Variants in PHF14 observed in about 807,000 individuals in gnomAD.
PHF14 encodes the protein PHD finger protein 14.
A neutral mutation model predicts 117.9 loss-of-function variants in PHF14; 55 were observed. The ratio of observed to expected loss-of-function variants is 0.47; its 90% CI spans 0.38 to 0.58. The LOEUF is 0.58. Ranked by LOEUF, PHF14 falls within the 20% of genes least tolerant of loss-of-function variation. PHF14 has a pLI of 0.00. For missense variants in PHF14, 978 were observed against 1,122.2 expected (o/e 0.87, Z 1.84); for synonymous variants, 409 against 368.6 (o/e 1.11, Z -1.26).
rs562865278 is a variant in PHF14 at position 11,136,051 on chromosome 7, C to T, written c.2772+24584C>T. On this transcript the variant is annotated intron_variant, in intron 17 of 17. Coordinates refer to ENST00000634607, the MANE Select transcript of PHF14 (RefSeq NM_001007157.2). ...GTAAGCTTTTGGTATACATAAGTAA[C>T]ATTGTTGAAAATAGTTTACACTTCT... 5.3e-5 allele frequency among the ~76,000 whole-genome samples: 8 copies of T among 152,162 alleles called. No homozygotes were observed. In the South Asian group the frequency reaches 1.7e-3, roughly 32 times the overall value.
intron 16 of PHF14, among the ~76,000 whole-genome samples, chr7:11,066,581 G>A (rs1785432137): frequency 6.6e-6 from 1 of 152,148 alleles, no homozygotes; most frequent in African/African-American, 2.4e-5. Flanking sequence ...TGAGCTATCT[G>A]AAATTAATTT....
At chr7:11,054,459 T>C (rs1784949249) in intron 14 of PHF14, among the ~76,000 whole-genome samples, 1 of 152,184 alleles carries the variant, frequency 6.6e-6, no homozygotes, top group African/African-American at 2.4e-5. Context: ...CATACTAAAC[T>C]GTTCAAGGAA....
intron 17 of PHF14, among the ~76,000 whole-genome samples, chr7:11,152,769 T>A (rs929363831): frequency 1.3e-5 from 2 of 152,142 alleles, no homozygotes; most frequent in African/African-American, 4.8e-5. Flanking sequence ...GAAAACAATC[T>A]GAGTGATGGA....
intron 16 of PHF14, among the ~76,000 whole-genome samples, chr7:11,076,727 C>A (rs1222664783): frequency 6.6e-6 from 1 of 151,756 alleles, no homozygotes; most frequent in Non-Finnish European, 1.5e-5. Flanking sequence ...ACCACCACAC[C>A]CGACTAATTT....
intron 3 of PHF14, among the ~76,000 whole-genome samples, chr7:10,985,119 A>C (rs1782171025): frequency 6.6e-6 from 1 of 152,172 alleles, no homozygotes; most frequent in Non-Finnish European, 1.5e-5. Context: ...TTAAAAAACT[A>C]ATCAATTGTG....
intron 14 of PHF14, among the ~76,000 whole-genome samples, chr7:11,059,539 G>A (rs776271061): frequency 6.6e-5 from 10 of 152,310 alleles, no homozygotes; most frequent in South Asian, 6.2e-4. Flanking sequence ...ACTTTGGGAG[G>A]CCAAGGCAGG....
chr7:11,134,504 A>T lies in PHF14; in HGVS notation c.2772+23037A>T, dbSNP rs115641659. ...TCAGTATCCACTAAATTGATTTTAC[A>T]GCCACTTGTATGGTTAAATAATTTG... On this transcript the variant is annotated intron_variant, in intron 17 of 17. Transcript: ENST00000634607. Among the ~76,000 whole-genome samples, 1,208 of 152,128 alleles carry T rather than the reference A, an allele frequency of 7.9e-3. 11 individuals carry two copies. The highest frequency in any genetic ancestry group is 0.028 in the African/African-American group (1,151 of 41,554).
At chr7:11,089,257 T>C (rs946708603) in intron 16 of PHF14, among the ~76,000 whole-genome samples, 1 of 152,206 alleles carries the variant, frequency 6.6e-6, no homozygotes, top group African/African-American at 2.4e-5. Context: ...GCTGTTTGCG[T>C]ATGTAATTTC....
At chr7:11,057,599 C>T (rs1290645298) in intron 14 of PHF14, among the ~76,000 whole-genome samples, 1 of 152,114 alleles carries the variant, frequency 6.6e-6, no homozygotes, top group East Asian at 1.9e-4. Flanking sequence ...GTTTCAAACT[C>T]GTTACCTCAG....
chr7:11,099,513 A>G (rs1236637244), intron 16 of PHF14, among the ~76,000 whole-genome samples: 1 of 151,976 alleles, frequency 6.6e-6, no homozygotes, highest in Non-Finnish European at 1.5e-5. Context: ...CAGCAGTGAA[A>G]TAGTTCTCAT....
intron 17 of PHF14, among the ~76,000 whole-genome samples, chr7:11,153,850 C>G (rs1254926312): frequency 1.3e-5 from 2 of 152,104 alleles, no homozygotes; most frequent in East Asian, 3.8e-4. Context: ...TAGACTTACT[C>G]CCATGGCCAC....
At position 11,106,062 on chromosome 7, in the gene PHF14, ATTC is replaced by A. The variant is rs933971649; in HGVS notation, c.2655-5283_2655-5281del. 1.4e-5 allele frequency: 14 copies of A among 984,042 alleles called. No individual in the cohort carries two copies. The South Asian group carries it at 2.4e-4, about 17-fold the overall frequency. The allele number at this position is 984,042 out of a possible 1,614,324, so 61.0% of individuals were successfully genotyped here. A position where few individuals can be genotyped will look rare whatever the true frequency, so the allele number is the denominator to read the frequency against. On this transcript the variant is annotated intron_variant, in intron 16 of 17. Coordinates refer to ENST00000634607, the MANE Select transcript of PHF14 (RefSeq NM_001007157.2). ...CATGTTTCAGGTATGGAAATGTCTA[ATTC>A]TTCTCTCATGCTGTGAAGAGTTGCT... is the stretch of plus-strand genomic sequence containing the variant.
At chr7:10,992,439 G>T (rs913568856) in intron 4 of PHF14, among the ~76,000 whole-genome samples, 38 of 150,594 alleles carry the variant, frequency 2.5e-4, no homozygotes, top group African/African-American at 9.0e-4. Context: ...GAGGCGGGCG[G>T]ATCACCTGAG....
chr7:11,074,303 C>T (rs759424079), intron 16 of PHF14, among the ~76,000 whole-genome samples: 20 of 151,754 alleles, frequency 1.3e-4, no homozygotes, highest in South Asian at 4.2e-4. Flanking sequence ...TTCTGCCTCC[C>T]GGGTTCATAC....
intron 17 of PHF14, among the ~76,000 whole-genome samples, chr7:11,112,995 G>A (rs1417175283): frequency 2.6e-5 from 4 of 151,898 alleles, no homozygotes; most frequent in African/African-American, 9.7e-5. Flanking sequence ...TTATTTAAAT[G>A]TAAAAATAAT....
At chr7:10,989,772 G>A (rs1782377543) in intron 3 of PHF14, among the ~76,000 whole-genome samples, 1 of 152,032 alleles carries the variant, frequency 6.6e-6, no homozygotes, top group African/African-American at 2.4e-5. Context: ...CTGGGACTAA[G>A]GGCATGCATC....
At chr7:11,003,611 AG>A (rs1319579543) in intron 4 of PHF14, among the ~76,000 whole-genome samples, 1 of 152,236 alleles carries the variant, frequency 6.6e-6, no homozygotes, top group African/African-American at 2.4e-5. Flanking sequence ...ATTTTTAAAA[AG>A]TTTACCAAGT....
chr7:11,015,981 G>A (rs1444069108), intron 5 of PHF14, among the ~76,000 whole-genome samples: 3 of 152,110 alleles, frequency 2.0e-5, no homozygotes, highest in African/African-American at 7.2e-5. Context: ...TAAAAGTTCT[G>A]TTAGGACACT....
At chr7:11,155,601 T>C (rs1331107034) in intron 17 of PHF14, among the ~76,000 whole-genome samples, 1 of 152,148 alleles carries the variant, frequency 6.6e-6, no homozygotes, top group Non-Finnish European at 1.5e-5. Context: ...TAGGGGACTT[T>C]GCTGAAATTT....
Sources: allele counts gnomAD v4.1 joint callset (sites outside exome capture counted in the v4.1 genomes callset), GRCh38; gene constraint gnomAD v4.1.1; transcripts MANE v1.5; gene names NCBI Gene and HGNC (gene_info 2026-07-23, HGNC 2026-07-21).